Variants in RALGPS2 observed in about 807,000 individuals in gnomAD.
RALGPS2 encodes ras-specific guanine nucleotide-releasing factor RalGPS2.
RALGPS2 carries 43 observed loss-of-function variants against 86.8 expected under a neutral mutation model. The ratio of observed to expected loss-of-function variants is 0.50; its 90% CI spans 0.39 to 0.64. The LOEUF is 0.64. Ranked by LOEUF, RALGPS2 falls within the 30% of genes least tolerant of loss-of-function variation. The pLI, the probability that RALGPS2 is intolerant of heterozygous loss-of-function variation, is 0.00. For missense variants in RALGPS2, 536 were observed against 694.6 expected, an observed-to-expected ratio of 0.77 and a Z score of 2.57; for synonymous variants, 243 against 231.3, an observed-to-expected ratio of 1.05 and a Z score of -0.46.
intron 18 of RALGPS2, 85 bp downstream of exon 18, chr1:178,902,296 C>A: frequency 1.9e-6 from 2 of 1,070,042 alleles, no homozygotes; most frequent in Non-Finnish European, 2.8e-6. Flanking sequence ...GTATACTTGT[C>A]ATATATATAA....
chr1:178,782,835 A>G (rs1653461118), intron 2 of RALGPS2, among the ~76,000 whole-genome samples: 1 of 152,146 alleles, frequency 6.6e-6, no homozygotes. Context: ...CACCTATAAC[A>G]ACACCAAATT....
intron 1 of RALGPS2, among the ~76,000 whole-genome samples, chr1:178,774,415 A>C (rs759607479): frequency 6.6e-6 from 1 of 152,256 alleles, no homozygotes; most frequent in Non-Finnish European, 1.5e-5. Context: ...TAAGTTAAAG[A>C]TATAACTCCT....
intron 1 of RALGPS2, among the ~76,000 whole-genome samples, chr1:178,740,738 T>A (rs1311179211): frequency 6.6e-6 from 1 of 152,208 alleles, no homozygotes; most frequent in Non-Finnish European, 1.5e-5. Context: ...CTGTTCTTCC[T>A]TTAGTACTTC....
rs1660880566 is a variant in RALGPS2, at chr1:178,918,429, G to A, written c.*2070G>A. 2 of 152,062 alleles carry A rather than the reference G, an allele frequency of 1.3e-5. No homozygotes were observed. The highest frequency in any genetic ancestry group is 4.1e-4 in the South Asian group (2 of 4,830). 9.4% of individuals were successfully genotyped at this position (152,062 alleles called of 1,614,324 possible). A position where few individuals can be genotyped will look rare whatever the true frequency, so the allele number is the denominator to read the frequency against. On this transcript the variant is annotated 3_prime_UTR_variant, in exon 20 of 20. Coordinates refer to ENST00000367635, the MANE Select transcript of RALGPS2 (RefSeq NM_152663.5). The stretch of plus-strand genomic sequence containing the variant: ...CATTTGTTTGTCATAATAAGCTAAC[G>A]TAGAAATGTTGTAGGTTAACCATAT...
intron 7 of RALGPS2, among the ~76,000 whole-genome samples, chr1:178,827,112 C>T (rs944256616): frequency 2.0e-5 from 3 of 152,090 alleles, no homozygotes; most frequent in African/African-American, 7.2e-5. Context: ...GGTGAAAAAT[C>T]TATACACAGA....
chr1:178,738,524 T>G (rs1443339041), intron 1 of RALGPS2, among the ~76,000 whole-genome samples: 3 of 152,210 alleles, frequency 2.0e-5, no homozygotes, highest in African/African-American at 7.2e-5. Context: ...TTGTATATCT[T>G]AAATTTGCAT....
intron 4 of RALGPS2, among the ~76,000 whole-genome samples, chr1:178,789,660 A>G (rs1475642478): frequency 6.6e-6 from 1 of 152,192 alleles, no homozygotes; most frequent in Non-Finnish European, 1.5e-5. Context: ...TCTAGAAATA[A>G]TAAGTTTAGG....
chr1:178,903,325 G>C, intron 18 of RALGPS2, among the ~76,000 whole-genome samples: 1 of 152,078 alleles, frequency 6.6e-6, no homozygotes, highest in East Asian at 1.9e-4. Flanking sequence ...TAAGTAGATT[G>C]ATTTACAGAA....
At chr1:178,755,929 T>G (rs569198741) in intron 1 of RALGPS2, among the ~76,000 whole-genome samples, 14 of 152,366 alleles carry the variant, frequency 9.2e-5, no homozygotes, top group South Asian at 6.2e-4. Context: ...TGCATTTCCC[T>G]AATGATTAGC....
intron 8 of RALGPS2, among the ~76,000 whole-genome samples, chr1:178,847,745 A>G (rs897604183): frequency 6.6e-6 from 1 of 152,202 alleles, no homozygotes; most frequent in Admixed American, 6.5e-5. Flanking sequence ...GAGTCCTAAG[A>G]AATATAATGC....
At chr1:178,752,060 C>G (rs1007983561) in intron 1 of RALGPS2, among the ~76,000 whole-genome samples, 1 of 151,972 alleles carries the variant, frequency 6.6e-6, no homozygotes, top group African/African-American at 2.4e-5. Flanking sequence ...TTACTGAGCC[C>G]AGATTGGTCC....
At position 178,788,989 on chromosome 1, in the gene RALGPS2, C is replaced by CTT. The variant is rs1558120490; in HGVS notation, c.213+3383_213+3384insTT. 4.8e-3 allele frequency among the ~76,000 whole-genome samples: 735 copies of CTT among 151,784 alleles called. 6 individuals carry two copies. The highest frequency in any genetic ancestry group is 0.016 in the African/African-American group (668 of 41,332). Reference sequence around the variant, plus strand: ...TGGTGTGATCTCAACTTACTGCAACCTCCGCCTCCCGGGTTCAAGTGATTA... The same window carrying CTT: ...TGGTGTGATCTCAACTTACTGCAACCTTTCCGCCTCCCGGGTTCAAGTGATTA... On this transcript the variant is annotated intron_variant, in intron 4 of 19. Transcript: ENST00000367635.
At chr1:178,884,478 G>GAAA (rs1659391941) in intron 11 of RALGPS2, among the ~76,000 whole-genome samples, 1 of 151,896 alleles carries the variant, frequency 6.6e-6, no homozygotes, top group Non-Finnish European at 1.5e-5. Context: ...AAGATGTGAA[G>GAAA]TGGAGAAACA....
intron 1 of RALGPS2, among the ~76,000 whole-genome samples, chr1:178,738,120 G>A (rs1193049770): frequency 1.3e-5 from 2 of 151,452 alleles, no homozygotes; most frequent in East Asian, 3.9e-4. Flanking sequence ...GCTCAAATGT[G>A]CTGGCTAGGA....
At chr1:178,883,574 A>G (rs1374287985) in intron 11 of RALGPS2, 41 bp downstream of exon 11, 51 of 1,444,056 alleles carry the variant, frequency 3.5e-5, no homozygotes, top group Non-Finnish European at 5.0e-5. Flanking sequence ...TCTAAATCAG[A>G]TAACCTAATA....
At chr1:178,843,667 AG>A (rs1391346081) in intron 8 of RALGPS2, among the ~76,000 whole-genome samples, 1 of 151,066 alleles carries the variant, frequency 6.6e-6, no homozygotes, top group Non-Finnish European at 1.5e-5. Context: ...AAAAAAAAAA[AG>A]AAAGAAAGAA....
intron 1 of RALGPS2, among the ~76,000 whole-genome samples, chr1:178,739,159 AAGCT>A (rs1274792467): frequency 3.3e-4 from 50 of 152,192 alleles, no homozygotes; most frequent in African/African-American, 1.2e-3. Flanking sequence ...CTATCTCTTA[AAGCT>A]AGAGGGACAG....
At chr1:178,788,516 G>A (rs1653778820) in intron 4 of RALGPS2, among the ~76,000 whole-genome samples, 1 of 152,156 alleles carries the variant, frequency 6.6e-6, no homozygotes, top group Admixed American at 6.5e-5. Flanking sequence ...TTACTGAGAA[G>A]ATGACATCTG....
chr1:178,838,890 G>A (rs926033591), intron 8 of RALGPS2, among the ~76,000 whole-genome samples: 1 of 152,178 alleles, frequency 6.6e-6, no homozygotes, highest in Non-Finnish European at 1.5e-5. Flanking sequence ...TAGCCTATTC[G>A]ATCAACTGGA....
Sources: gnomAD v4.1 joint callset for allele counts (sites outside exome capture counted in the v4.1 genomes callset) on GRCh38, gnomAD v4.1.1 for gene constraint, MANE v1.5 for transcripts, NCBI Gene and HGNC (gene_info 2026-07-23, HGNC 2026-07-21) for gene names.